Variants in RPRD2 observed in about 807,000 individuals in gnomAD.
RPRD2 encodes the protein regulation of nuclear pre-mRNA domain containing 2.
A neutral mutation model predicts 104.4 loss-of-function variants in RPRD2; 12 were observed. The ratio of observed to expected loss-of-function variants is 0.11; its 90% CI spans 0.07 to 0.19. The LOEUF (loss-of-function observed/expected upper bound fraction) is 0.19. Among genes scored for constraint, RPRD2 ranks in the 10% least tolerant of loss-of-function variants. RPRD2 has a pLI of 1.00. For missense variants in RPRD2, 1,543 were observed against 1,790.1 expected (o/e 0.86, Z 2.49); for synonymous variants, 714 against 684.9 (o/e 1.04, Z -0.66).
rs1029584458 is a variant in RPRD2 at position 150,364,595 on chromosome 1, C to T, written c.-120C>T. The T allele has an allele frequency of 3.2e-6, 2 of 615,998 alleles. No individual in the cohort carries two copies. Among genetic ancestry groups the T allele is most frequent in the Non-Finnish European group, 5.7e-6 (2 of 352,892 alleles). The allele number at this position is 615,998 out of a possible 1,614,324, so 38.2% of individuals were successfully genotyped here. A position where few individuals can be genotyped will look rare whatever the true frequency, so the allele number is the denominator to read the frequency against. On this transcript the variant is annotated 5_prime_UTR_variant, in exon 1 of 11. Coordinates refer to ENST00000369068, the MANE Select transcript of RPRD2 (RefSeq NM_015203.5). ...AGCCCAGCGCGTGCACCATCCCCAC[C>T]CCCTAGCTTCCCTCCCCACCTACGG...
At chr1:150,379,568 A>G (rs2102124217) in intron 1 of RPRD2, among the ~76,000 whole-genome samples, 1 of 151,964 alleles carries the variant, frequency 6.6e-6, no homozygotes, top group African/African-American at 2.4e-5. Context: ...ATGCCCGGCT[A>G]ATTTTGTATT....
At chr1:150,438,941 TCTC>T (rs1382639934) in intron 2 of RPRD2, among the ~76,000 whole-genome samples, 5 of 152,100 alleles carry the variant, frequency 3.3e-5, no homozygotes, top group African/African-American at 1.2e-4. Context: ...TTCAAGCAAT[TCTC>T]CTGCCTCAGC....
chr1:150,371,267 G>A (rs1236922028), intron 1 of RPRD2, among the ~76,000 whole-genome samples: 2 of 152,144 alleles, frequency 1.3e-5, no homozygotes, highest in South Asian at 2.1e-4. Flanking sequence ...AGCATTTTAC[G>A]TGTATTCATT....
intron 7 of RPRD2, among the ~76,000 whole-genome samples, chr1:150,447,878 A>G (rs1194533771): frequency 6.6e-6 from 1 of 152,084 alleles, no homozygotes; most frequent in African/African-American, 2.4e-5. Flanking sequence ...TGATTTGCCC[A>G]TATTATTCTT....
chr1:150,377,727 T>C (rs1383298769), intron 1 of RPRD2, among the ~76,000 whole-genome samples: 2 of 152,208 alleles, frequency 1.3e-5, no homozygotes, highest in African/African-American at 4.8e-5. Flanking sequence ...GTTGGATTGC[T>C]GGATCCTTAT....
chr1:150,377,224 A>G (rs188901085), intron 1 of RPRD2, among the ~76,000 whole-genome samples: 61 of 152,170 alleles, frequency 4.0e-4, no homozygotes, highest in South Asian at 1.5e-3. Flanking sequence ...AAAAAAGAAA[A>G]AAAGAAAGGA....
rs373788828 is a variant in RPRD2 at position 150,420,056 on chromosome 1, T to C, written c.335+2331T>C. Among the ~76,000 whole-genome samples the C allele has an allele frequency of 7.7e-4, 118 of 152,328 alleles. 2 individuals carry two copies. In the South Asian group the frequency reaches 0.024, roughly 31 times the overall value. Reference sequence around the variant, plus strand: ...TCAGGCTATCTAAATCCAAAGCCCATGTTGTTTGCCACTTAACCACTAATC... The same window carrying C: ...TCAGGCTATCTAAATCCAAAGCCCACGTTGTTTGCCACTTAACCACTAATC... On this transcript the variant is annotated intron_variant, in intron 2 of 10. Transcript: ENST00000369068.
intron 1 of RPRD2, among the ~76,000 whole-genome samples, chr1:150,402,976 C>CAA (rs113153301): frequency 5.2e-4 from 76 of 146,658 alleles, no homozygotes; most frequent in African/African-American, 8.8e-4. Context: ...CTCAAAAAAA[C>CAA]AAAAACAAAA....
intron 1 of RPRD2, among the ~76,000 whole-genome samples, chr1:150,416,328 A>C (rs1334801857): frequency 1.3e-5 from 2 of 152,152 alleles, no homozygotes; most frequent in Non-Finnish European, 2.9e-5. Flanking sequence ...AAAAGCTGAG[A>C]TCTTGATGAA....
chr1:150,449,520 GTACT>G (rs1553896158), intron 7 of RPRD2, among the ~76,000 whole-genome samples: 1 of 151,552 alleles, frequency 6.6e-6, no homozygotes, highest in African/African-American at 2.4e-5. Context: ...TTGCTTGCAT[GTACT>G]CTCTCTTCCT....
chr1:150,387,566 C>CTTTTTTTTTTTTT (rs1661661325), intron 1 of RPRD2, among the ~76,000 whole-genome samples: 7 of 70,132 alleles, frequency 1.0e-4, no homozygotes, highest in Non-Finnish European at 1.2e-4. Flanking sequence ...TTGCAACAGA[C>CTTTTTTTTTTTTT]CTTTTTTTTT....
At chr1:150,442,702 C>T (rs1331206970) in intron 4 of RPRD2, among the ~76,000 whole-genome samples, 2 of 152,222 alleles carry the variant, frequency 1.3e-5, no homozygotes, top group Non-Finnish European at 2.9e-5. Flanking sequence ...TTAGGAACAA[C>T]AGGAGTCGTC....
At position 150,472,378 on chromosome 1, in the gene RPRD2, A is replaced by G. The variant is rs372942703; in HGVS notation, c.3430A>G (p.Ser1144Gly). Reference sequence around the variant, plus strand: ...TAGCTCTTTTGACAATGGCCCTTCAAGTGCCTCTGAGTTGGCATCCCTTGG... The same window carrying G: ...TAGCTCTTTTGACAATGGCCCTTCAGGTGCCTCTGAGTTGGCATCCCTTGG... ...SGSSFDNGPS[S>G]ASELASLGGG... Residue 1144 changes from serine to glycine, a missense_variant, in exon 11 of 11, where the codon AGT becomes GGT. Coordinates refer to ENST00000369068, the MANE Select transcript of RPRD2 (RefSeq NM_015203.5). The G allele has an allele frequency of 3.8e-5, 61 of 1,613,868 alleles. No homozygotes were observed. In the Admixed American group the frequency reaches 4.7e-4, roughly 12 times the overall value.
intron 1 of RPRD2, among the ~76,000 whole-genome samples, chr1:150,413,857 A>G (rs1008776162): frequency 2.0e-5 from 3 of 151,826 alleles, no homozygotes; most frequent in Admixed American, 6.6e-5. Flanking sequence ...CCCAGGAGGC[A>G]GAGGTTGCGG....
chr1:150,440,967 G>A lies in RPRD2; in HGVS notation c.380G>A (p.Trp127Ter). Reference protein sequence around the residue: ...SKSVERIFKIWEDRNVYPEEM... With the variant: ...SKSVERIFKI The stretch of plus-strand genomic sequence containing the variant: ...TCTGTAGAACGAATCTTTAAAATCT[G>A]GGAAGATAGAAATGTATACCCAGAA... Residue 127 changes from tryptophan (W) to a stop codon, truncating the protein, a stop_gained, in exon 3 of 11, where the codon TGG (tryptophan) becomes TAG (stop). Transcript: ENST00000369068. LOFTEE classifies it high-confidence loss of function. The A allele has an allele frequency of 6.3e-7, 1 of 1,584,252 alleles. No individual in the cohort carries two copies. The highest frequency in any genetic ancestry group is 1.8e-5 in the Admixed American group (1 of 55,738).
intron 9 of RPRD2, among the ~76,000 whole-genome samples, chr1:150,462,621 A>G (rs1049831804): frequency 4.0e-5 from 6 of 151,796 alleles, no homozygotes; most frequent in Non-Finnish European, 8.8e-5. Flanking sequence ...CAGTGGCGCG[A>G]TCTCAGCTCA....
chr1:150,457,678 T>C (rs1572516037), intron 8 of RPRD2, 108 bp downstream of exon 8: 5 of 937,960 alleles, frequency 5.3e-6, no homozygotes, highest in South Asian at 1.5e-5. Context: ...TCTTAAAAGA[T>C]AGAACACCAA....
intron 9 of RPRD2, among the ~76,000 whole-genome samples, chr1:150,461,254 A>T (rs1667913722): frequency 1.3e-5 from 2 of 151,606 alleles, no homozygotes; most frequent in South Asian, 2.1e-4. Flanking sequence ...AATGAAAAAA[A>T]TTTTTTAATA....
intron 7 of RPRD2, among the ~76,000 whole-genome samples, chr1:150,450,391 G>T (rs1293207077): frequency 6.6e-6 from 1 of 151,670 alleles, no homozygotes. Flanking sequence ...TGGATCACGA[G>T]GTCAGGAGAT....
Sources: gnomAD v4.1 joint callset for allele counts (sites outside exome capture counted in the v4.1 genomes callset) on GRCh38, gnomAD v4.1.1 for gene constraint, MANE v1.5 for transcripts, NCBI Gene and HGNC (gene_info 2026-07-23, HGNC 2026-07-21) for gene names.